PATL1: variants seen among roughly 807,000 people sequenced by gnomAD.
The protein encoded by PATL1 is PAT1 homolog 1, processing body mRNA decay factor.
A neutral mutation model predicts 100.6 loss-of-function variants in PATL1; 32 were observed. That is an observed-to-expected ratio of 0.32 (90% confidence interval 0.24 to 0.43). PATL1 has a LOEUF of 0.43. Ranked by LOEUF, PATL1 falls within the 20% of genes least tolerant of loss-of-function variation. PATL1 has a pLI of 1.00. For missense variants in PATL1, 747 were observed against 949.9 expected (o/e 0.79, Z 2.81); for synonymous variants, 332 against 330.0 (o/e 1.01, Z -0.07).
intron 6 of PATL1, among the ~76,000 whole-genome samples, 184 bp downstream of exon 6, chr11:59,656,315 G>A (rs1338495858): frequency 2.0e-5 from 3 of 152,152 alleles, no homozygotes; most frequent in Non-Finnish European, 2.9e-5. Flanking sequence ...TAAGAAAAGA[G>A]CTGATGTAAG....
intron 15 of PATL1, 80 bp from the exon 16 acceptor site, chr11:59,643,115 T>C (rs559046428): frequency 1.4e-6 from 2 of 1,449,214 alleles, no homozygotes; most frequent in East Asian, 4.8e-5. Context: ...GATGGAAGGA[T>C]GTTCATTTGT....
chr11:59,667,186 T>A (rs1338236087), intron 1 of PATL1: 1 of 666,442 alleles, frequency 1.5e-6, no homozygotes, highest in Non-Finnish European at 1.9e-6. Flanking sequence ...ATTTAATTCT[T>A]GCCCCACCTC....
At chr11:59,646,884 T>A (rs1861372234) in intron 15 of PATL1, among the ~76,000 whole-genome samples, 1 of 152,126 alleles carries the variant, frequency 6.6e-6, no homozygotes, top group Admixed American at 6.6e-5. Context: ...ATAACCATGT[T>A]AAAATTCCAG....
At chr11:59,650,993 A>C (rs191388601) in intron 12 of PATL1, among the ~76,000 whole-genome samples, 180 bp from the exon 13 acceptor site, 1 of 152,346 alleles carries the variant, frequency 6.6e-6, no homozygotes. Flanking sequence ...TCAATCCACA[A>C]ACTATTAAAT....
Position 59,656,052 on chromosome 11 carries a change from TAAAAAAAA to T in PATL1, c.724-15_724-8del. 29 of 765,682 alleles carry T rather than the reference TAAAAAAAA, an allele frequency of 3.8e-5. No homozygotes were observed. The highest frequency in any genetic ancestry group is 4.2e-4 in the Middle Eastern group (1 of 2,360). 47.4% of individuals were successfully genotyped at this position (765,682 alleles called of 1,614,324 possible). The stretch of plus-strand genomic sequence containing the variant: ...GACCCAGGAGGGAAGAGTTCTAAGG[TAAAAAAAA>T]AAAAAAAAAAAAGAATATGCTATAA... On this transcript the variant is annotated splice_polypyrimidine_tract_variant and splice_region_variant and intron_variant, in intron 6 of 18. Transcript: ENST00000300146.
At chr11:59,666,826 ATAT>A in intron 2 of PATL1, 24 bp downstream of exon 2, 1 of 1,544,352 alleles carries the variant, frequency 6.5e-7, no homozygotes, top group East Asian at 2.4e-5. Flanking sequence ...GGCTAAGATG[ATAT>A]TATAAGCGAA....
At chr11:59,639,550 G>A (rs1336271415) in intron 16 of PATL1, 167 bp from the exon 17 acceptor site, 3 of 594,898 alleles carry the variant, frequency 5.0e-6, no homozygotes, top group East Asian at 2.9e-5. Flanking sequence ...TGAGTTGAAA[G>A]GCTATGTCTC....
rs1193377195 is a variant in PATL1, at chr11:59,657,653, C to T, written c.498G>A (p.Arg166=). 5.6e-6 allele frequency: 9 copies of T among 1,613,644 alleles called. No individual in the cohort carries two copies. Among genetic ancestry groups the T allele is most frequent in the Non-Finnish European group, 7.6e-6 (9 of 1,179,794 alleles). The change falls in exon 5 of 19, where the codon CGG becomes CGA. Residue 166 remains arginine, a synonymous_variant. Transcript: ENST00000300146. ...QRPPQGPEDD[R]DLSERALPRR... ...TTGGTAATGCTCGTTCAGAAAGGTC[C>T]CGATCATCTTCTGGACCCTGGGGGG...
In PATL1 at chr11:59,639,235, A is replaced by C. The variant is rs772453474; in HGVS notation, c.2142-38T>G. 1.2e-5 allele frequency: 20 copies of C among 1,600,482 alleles called. No individual in the cohort carries two copies. The South Asian group carries it at 2.1e-4, about 17-fold the overall frequency. On this transcript the variant is annotated intron_variant, in intron 17 of 18. Transcript: ENST00000300146. ...ACCCATAATAATATCAGGAGAAAAA[A>C]ATTTAAAAGATTACCTCAAAGAACT...
At chr11:59,660,069 G>A (rs1425970135) in intron 2 of PATL1, among the ~76,000 whole-genome samples, 3 of 152,138 alleles carry the variant, frequency 2.0e-5, no homozygotes, top group Non-Finnish European at 4.4e-5. Context: ...TCCCAAATTG[G>A]TGATAGATAT....
chr11:59,639,473 C>T (rs967962886), intron 16 of PATL1, 90 bp from the exon 17 acceptor site: 6 of 977,052 alleles, frequency 6.1e-6, no homozygotes, highest in Middle Eastern at 3.2e-4. Flanking sequence ...AGATGGGGAA[C>T]AGCTCTAAAT....
At chr11:59,653,124 C>T (rs536063424) in intron 9 of PATL1, 106 bp from the exon 10 acceptor site, 91 of 975,864 alleles carry the variant, frequency 9.3e-5, no homozygotes, top group Admixed American at 7.5e-5. Flanking sequence ...TAAAGATTCC[C>T]GTTTGCTTTT....
intron 5 of PATL1, 108 bp downstream of exon 5, chr11:59,657,422 C>T: frequency 9.2e-7 from 1 of 1,084,060 alleles, no homozygotes; most frequent in Non-Finnish European, 1.3e-6. Context: ...TCTTTCTAAT[C>T]TAATGCCTAC....
intron 14 of PATL1, 136 bp from the exon 15 acceptor site, chr11:59,648,049 G>C: frequency 1.7e-6 from 1 of 586,304 alleles, no homozygotes; most frequent in African/African-American, 1.9e-5. Context: ...AAAACAGTAG[G>C]AATCACTTCT....
In PATL1 at chr11:59,647,806, A is replaced by C; in HGVS notation, c.1841T>G (p.Met614Arg). The change falls in exon 15 of 19, where the codon ATG becomes AGG. Residue 614 changes from methionine to arginine, a missense_variant. Transcript: ENST00000300146. ...GAAAGGGAGGTTCCTGGCTGTTGTC[A>C]TGAGAATGTCAGCTGCTTGCTCTGT... is the stretch of plus-strand genomic sequence containing the variant. ...LSTEQAADILMTTARNLPFLI... is the reference protein window; with the variant it reads ...LSTEQAADILRTTARNLPFLI... 2 of 1,613,966 alleles carry C rather than the reference A, an allele frequency of 1.2e-6. No individual in the cohort carries two copies. The highest frequency in any genetic ancestry group is 1.7e-6 in the Non-Finnish European group (2 of 1,179,870).
rs1861203212 is a variant in PATL1 at position 59,637,148 on chromosome 11, A to G, written c.*1242T>C. On this transcript the variant is annotated 3_prime_UTR_variant, in exon 19 of 19. Transcript: ENST00000300146. ...AGCAGAAAGATCACGAAGGCCATGT[A>G]AAATTAATTCAGATTTAATTTTCTT... The G allele has an allele frequency of 6.6e-6, 1 of 152,616 alleles. No individual in the cohort carries two copies. Among genetic ancestry groups the G allele is most frequent in the South Asian group, 2.1e-4 (1 of 4,836 alleles). The allele number at this position is 152,616 out of a possible 1,614,324, so 9.5% of individuals were successfully genotyped here.
intron 16 of PATL1, chr11:59,639,758 A>G (rs1590692490): frequency 6.3e-6 from 1 of 159,928 alleles, no homozygotes; most frequent in African/African-American, 2.4e-5. Context: ...ATGAAGACCA[A>G]TTTTGGTACA....
intron 4 of PATL1, among the ~76,000 whole-genome samples, chr11:59,658,553 C>T (rs1186478662): frequency 2.0e-5 from 3 of 152,088 alleles, no homozygotes; most frequent in Non-Finnish European, 2.9e-5. Flanking sequence ...GAACTCCTCA[C>T]CTCAAGTGAT....
chr11:59,641,333 A>G (rs1159492895), intron 16 of PATL1, among the ~76,000 whole-genome samples: 1 of 151,118 alleles, frequency 6.6e-6, no homozygotes. Flanking sequence ...AAAAGAAAAT[A>G]CAAATAGGGA....
Sources: allele counts gnomAD v4.1 joint callset (sites outside exome capture counted in the v4.1 genomes callset), GRCh38; gene constraint gnomAD v4.1.1; transcripts MANE v1.5; gene names NCBI Gene and HGNC (gene_info 2026-07-23, HGNC 2026-07-21).